Variants in GALNT18 observed in about 807,000 individuals in gnomAD.
The protein encoded by GALNT18 is polypeptide N-acetylgalactosaminyltransferase 18, also known as GalNAc-transferase 18.
Under a neutral mutation model 69.5 loss-of-function variants are expected in GALNT18, and 44 were observed. The observed-to-expected ratio is 0.63, with a 90% CI of 0.50 to 0.81. The LOEUF (loss-of-function observed/expected upper bound fraction) is 0.81, where lower values mean the gene tolerates loss of function less well. Among genes scored for constraint, GALNT18 ranks in the 40% least tolerant of loss-of-function variants. GALNT18 has a pLI of 0.00. For missense variants in GALNT18, 715 were observed against 810.0 expected (o/e 0.88, Z 1.42); for synonymous variants, 364 against 318.2 (o/e 1.14, Z -1.53).
intron 9 of GALNT18, among the ~76,000 whole-genome samples, chr11:11,305,072 G>A (rs187751663): frequency 6.6e-6 from 1 of 152,350 alleles, no homozygotes; most frequent in East Asian, 1.9e-4. Flanking sequence ...AAGGCCAGAG[G>A]TAGGTGATGA....
intron 3 of GALNT18, among the ~76,000 whole-genome samples, chr11:11,392,133 C>T (rs1186450462): frequency 6.6e-6 from 1 of 152,190 alleles, no homozygotes; most frequent in Non-Finnish European, 1.5e-5. Context: ...TTCCACTGGA[C>T]TGTGAGCTCC....
intron 1 of GALNT18, among the ~76,000 whole-genome samples, chr11:11,485,228 C>G (rs930956056): frequency 6.6e-6 from 1 of 152,208 alleles, no homozygotes; most frequent in African/African-American, 2.4e-5. Flanking sequence ...CATTCCGACC[C>G]CATCTACCAT....
intron 9 of GALNT18, among the ~76,000 whole-genome samples, chr11:11,319,760 C>A (rs759385835): frequency 6.6e-6 from 1 of 152,192 alleles, no homozygotes; most frequent in Non-Finnish European, 1.5e-5. Flanking sequence ...AGCCAAAAAT[C>A]TGCATCCTTA....
intron 1 of GALNT18, among the ~76,000 whole-genome samples, chr11:11,477,872 A>C (rs1317122443): frequency 6.6e-6 from 1 of 152,212 alleles, no homozygotes; most frequent in Non-Finnish European, 1.5e-5. Flanking sequence ...CAGATGTACC[A>C]AGTCAGAGCA....
chr11:11,610,071 A>G (rs1306072949), intron 1 of GALNT18, among the ~76,000 whole-genome samples: 1 of 152,240 alleles, frequency 6.6e-6, no homozygotes, highest in Non-Finnish European at 1.5e-5. Context: ...AGCTGAGCCC[A>G]GGTCAGCTCC....
At chr11:11,536,580 C>G (rs1857777694) in intron 1 of GALNT18, among the ~76,000 whole-genome samples, 1 of 151,762 alleles carries the variant, frequency 6.6e-6, no homozygotes, top group Non-Finnish European at 1.5e-5. Context: ...GCTTCTTCCT[C>G]TACAGCTCTG....
At chr11:11,547,740 G>A (rs955182435) in intron 1 of GALNT18, among the ~76,000 whole-genome samples, 2 of 152,124 alleles carry the variant, frequency 1.3e-5, no homozygotes, top group Admixed American at 6.5e-5. Flanking sequence ...CTGCAATTGG[G>A]GTGAGCAATA....
At chr11:11,272,396 C>T (rs937074872) in intron 10 of GALNT18, among the ~76,000 whole-genome samples, 1 of 152,156 alleles carries the variant, frequency 6.6e-6, no homozygotes, top group East Asian at 1.9e-4. Context: ...GATCTCCCTT[C>T]CAACCTCCAG....
intron 1 of GALNT18, among the ~76,000 whole-genome samples, chr11:11,515,069 T>G (rs1442725327): frequency 1.3e-5 from 2 of 152,200 alleles, no homozygotes; most frequent in African/African-American, 4.8e-5. Context: ...GCATTCAAGT[T>G]TTGAATCTGC....
At chr11:11,509,821 C>T (rs1857134152) in intron 1 of GALNT18, among the ~76,000 whole-genome samples, 1 of 152,254 alleles carries the variant, frequency 6.6e-6, no homozygotes, top group Non-Finnish European at 1.5e-5. Flanking sequence ...TGCGCTACTC[C>T]ATCCTCTGTG....
chr11:11,483,491 A>G (rs1168176193), intron 1 of GALNT18, among the ~76,000 whole-genome samples: 1 of 152,334 alleles, frequency 6.6e-6, no homozygotes, highest in Non-Finnish European at 1.5e-5. Context: ...TCCACTGGAC[A>G]TTATTCTGAG....
chr11:11,355,350 A>G (rs1377687294), intron 6 of GALNT18, among the ~76,000 whole-genome samples: 1 of 152,144 alleles, frequency 6.6e-6, no homozygotes, highest in Non-Finnish European at 1.5e-5. Flanking sequence ...CCTCAAATTC[A>G]TATGCTGAGG....
chr11:11,501,061 C>G, intron 1 of GALNT18, among the ~76,000 whole-genome samples: 1 of 152,234 alleles, frequency 6.6e-6, no homozygotes, highest in Admixed American at 6.5e-5. Context: ...CTGAGACGCC[C>G]TCTCGTTTCC....
In GALNT18 at chr11:11,379,101, G is replaced by A. The variant is rs150632547; in HGVS notation, c.759C>T (p.His253=). ...TAPVVALFDA[H]VEFNVGWAEP... Reference sequence around the variant, plus strand: ...CTTACCAGCCCACATTGAACTCCACGTGGGCATCAAAGAGTGCCACCACAG... The same window carrying A: ...CTTACCAGCCCACATTGAACTCCACATGGGCATCAAAGAGTGCCACCACAG... Residue 253 remains histidine (H), a synonymous_variant, in exon 4 of 11, where the codon CAC becomes CAT. Coordinates refer to ENST00000227756, the MANE Select transcript of GALNT18 (RefSeq NM_198516.3). The A allele has an allele frequency of 2.4e-5, 39 of 1,607,372 alleles. No homozygotes were observed. Among genetic ancestry groups the A allele is most frequent in the African/African-American group, 1.6e-4 (12 of 74,814 alleles).
intron 6 of GALNT18, among the ~76,000 whole-genome samples, chr11:11,364,993 A>G (rs1188492879): frequency 1.4e-5 from 2 of 140,362 alleles, no homozygotes; most frequent in African/African-American, 5.4e-5. Context: ...TGTCCATAAT[A>G]AAGAGTTTTT....
chr11:11,455,879 T>A (rs59201623), intron 1 of GALNT18, among the ~76,000 whole-genome samples: 3,749 of 152,196 alleles, frequency 0.025, 149 homozygotes, highest in African/African-American at 0.086. Flanking sequence ...GCTTCAGGCC[T>A]GGAGTTTAAG....
chr11:11,533,420 C>T (rs181593507), intron 1 of GALNT18, among the ~76,000 whole-genome samples: 4 of 152,312 alleles, frequency 2.6e-5, no homozygotes, highest in Admixed American at 6.5e-5. Flanking sequence ...CCTACTGATG[C>T]TAACGCCCTC....
intron 1 of GALNT18, among the ~76,000 whole-genome samples, chr11:11,551,085 CAAAAA>C (rs36037822): frequency 2.6e-5 from 3 of 117,548 alleles, no homozygotes; most frequent in Non-Finnish European, 3.4e-5. Context: ...TATACGGTAC[CAAAAA>C]AAAAAAAAAA....
At chr11:11,300,439 T>C (rs956157981) in intron 9 of GALNT18, among the ~76,000 whole-genome samples, 1 of 152,170 alleles carries the variant, frequency 6.6e-6, no homozygotes, top group African/African-American at 2.4e-5. Context: ...GGGACTTACA[T>C]TGGAAAGGGA....
Sources: allele counts gnomAD v4.1 joint callset (sites outside exome capture counted in the v4.1 genomes callset), GRCh38; gene constraint gnomAD v4.1.1; transcripts MANE v1.5; gene names NCBI Gene and HGNC (gene_info 2026-07-23, HGNC 2026-07-21).